ADK: variants seen among roughly 807,000 people sequenced by gnomAD.
ADK encodes adenosine kinase.
In ADK, 24 loss-of-function variants were observed where a neutral mutation model predicts 44.7. The observed-to-expected ratio is 0.54, with a 90% CI of 0.39 to 0.76. ADK has a LOEUF of 0.76. Ranked by LOEUF, ADK falls within the 30% of genes least tolerant of loss-of-function variation. ADK has a pLI of 0.00. For missense variants in ADK, 321 were observed against 425.1 expected, an observed-to-expected ratio of 0.76 and a Z score of 2.15; for synonymous variants, 128 against 142.6, an observed-to-expected ratio of 0.90 and a Z score of 0.73.
At chr10:74,587,542 A>T (rs1180245431) in intron 7 of ADK, among the ~76,000 whole-genome samples, 1 of 152,002 alleles carries the variant, frequency 6.6e-6, no homozygotes, top group Non-Finnish European at 1.5e-5. Flanking sequence ...TTTTTTCCCA[A>T]TGTTTTCCCA....
chr10:74,595,984 C>A, intron 8 of ADK, among the ~76,000 whole-genome samples: 1 of 116,980 alleles, frequency 8.5e-6, no homozygotes. Flanking sequence ...GCAACAAGAG[C>A]GAAATTCCAT....
chr10:74,470,754 G>T (rs1378343207), intron 6 of ADK, among the ~76,000 whole-genome samples: 13 of 151,678 alleles, frequency 8.6e-5, no homozygotes, highest in African/African-American at 3.1e-4. Context: ...TTACTCTGTT[G>T]TTTCCTTTGC....
At chr10:74,525,110 T>C in intron 6 of ADK, 146 bp from the exon 7 acceptor site, 1 of 747,804 alleles carries the variant, frequency 1.3e-6, no homozygotes, top group Non-Finnish European at 2.2e-6. Flanking sequence ...TCAAATATCC[T>C]TCCAGTCAAA....
intron 2 of ADK, among the ~76,000 whole-genome samples, chr10:74,213,194 C>T (rs1843885559): frequency 6.6e-6 from 1 of 152,128 alleles, no homozygotes; most frequent in South Asian, 2.1e-4. Context: ...TCCCTGTAGC[C>T]TCCCAGGCTT....
In ADK at chr10:74,600,663, T is replaced by C. The variant is rs1048527238; in HGVS notation, c.877+170T>C. Among the ~76,000 whole-genome samples the C allele has an allele frequency of 2.0e-5, 3 of 151,630 alleles. No individual in the cohort carries two copies. In the East Asian group the frequency reaches 5.8e-4, roughly 29 times the overall value. On this transcript the variant is annotated intron_variant, in intron 9 of 10. Transcript: ENST00000539909. Reference sequence around the variant, plus strand: ...CTACCCTGTATCTCAGTAGAAAAGATTTCATGTTCAAGAAGATAGTTTATT... The same window carrying C: ...CTACCCTGTATCTCAGTAGAAAAGACTTCATGTTCAAGAAGATAGTTTATT...
At position 74,328,413 on chromosome 10, in the gene ADK, G is replaced by A. The variant is rs531816196; in HGVS notation, c.273+13668G>A. Among the ~76,000 whole-genome samples, 10 of 152,098 alleles carry A rather than the reference G, an allele frequency of 6.6e-5. 1 individual carries two copies. The South Asian group carries it at 1.9e-3, about 28-fold the overall frequency. On this transcript the variant is annotated intron_variant, in intron 4 of 10. Coordinates refer to ENST00000539909, the MANE Select transcript of ADK (RefSeq NM_006721.4). Reference sequence around the variant, plus strand: ...CACCATAGAAAACTTGCATCCAGGGGACTTCTGCATATGTGGGCTTAGGGG... The same window carrying A: ...CACCATAGAAAACTTGCATCCAGGGAACTTCTGCATATGTGGGCTTAGGGG...
chr10:74,336,070 A>C (rs1841400093), intron 4 of ADK, among the ~76,000 whole-genome samples: 1 of 151,838 alleles, frequency 6.6e-6, no homozygotes, highest in Admixed American at 6.6e-5. Flanking sequence ...TCATATAAGA[A>C]CTCTTTGCCT....
chr10:74,329,139 A>G (rs575318627), intron 4 of ADK, among the ~76,000 whole-genome samples: 75 of 141,746 alleles, frequency 5.3e-4, no homozygotes, highest in Middle Eastern at 3.7e-3. Flanking sequence ...AAGAAATTCT[A>G]TAGGGTGTGG....
At chr10:74,625,993 T>C (rs890019694) in intron 9 of ADK, among the ~76,000 whole-genome samples, 2 of 152,244 alleles carry the variant, frequency 1.3e-5, no homozygotes, top group Admixed American at 1.3e-4. Context: ...TAGGAGATAG[T>C]GTAGTTGATA....
chr10:74,661,045 A>T (rs1366652910), intron 9 of ADK, among the ~76,000 whole-genome samples: 1 of 152,004 alleles, frequency 6.6e-6, no homozygotes, highest in Admixed American at 6.5e-5. Context: ...GAAAAAAAAA[A>T]GGAAAAAGGA....
chr10:74,538,716 T>C (rs1388193400), intron 7 of ADK, among the ~76,000 whole-genome samples: 2 of 152,218 alleles, frequency 1.3e-5, no homozygotes, highest in Non-Finnish European at 2.9e-5. Flanking sequence ...ATGGGATACA[T>C]TGGCTTTTTC....
chr10:74,362,234 T>C (rs1842357409), intron 4 of ADK, among the ~76,000 whole-genome samples: 1 of 152,194 alleles, frequency 6.6e-6, no homozygotes, highest in Non-Finnish European at 1.5e-5. Flanking sequence ...CCATAGATTT[T>C]GTAAGCTTGC....
rs545417153 is a variant in ADK, at chr10:74,384,369, C to A, written c.274-9772C>A. 1.3e-5 allele frequency among the ~76,000 whole-genome samples: 2 copies of A among 152,168 alleles called. 1 individual carries two copies. The highest frequency in any genetic ancestry group is 4.1e-4 in the South Asian group (2 of 4,820). ...GGAATGATACAGTTTGTTGCGGCAACATAAAATGCAGGCATATAGGCTGGG... is the reference window on the plus strand; with the variant it reads ...GGAATGATACAGTTTGTTGCGGCAAAATAAAATGCAGGCATATAGGCTGGG... On this transcript the variant is annotated intron_variant, in intron 4 of 10. Transcript: ENST00000539909.
At chr10:74,368,547 G>A (rs1047634307) in intron 4 of ADK, among the ~76,000 whole-genome samples, 7 of 151,700 alleles carry the variant, frequency 4.6e-5, no homozygotes, top group Non-Finnish European at 1.0e-4. Flanking sequence ...ACATAATCAT[G>A]ATAAATGTTA....
intron 6 of ADK, chr10:74,509,492 A>C (rs770837971): frequency 6.6e-6 from 1 of 152,400 alleles, no homozygotes; most frequent in South Asian, 2.1e-4. Flanking sequence ...TGCCCGGCCC[A>C]TAATGATGTT....
intron 6 of ADK, among the ~76,000 whole-genome samples, chr10:74,514,449 CT>C (rs965737931): frequency 3.2e-4 from 46 of 145,648 alleles, no homozygotes; most frequent in South Asian, 4.3e-4. Flanking sequence ...TTTTCATTCT[CT>C]TTTTTTTTTT....
intron 7 of ADK, among the ~76,000 whole-genome samples, chr10:74,571,035 A>G (rs1448287217): frequency 1.3e-5 from 2 of 152,184 alleles, no homozygotes; most frequent in African/African-American, 2.4e-5. Flanking sequence ...TTCTGCATCT[A>G]TTGAGATAAT....
intron 10 of ADK, among the ~76,000 whole-genome samples, chr10:74,683,335 A>T (rs564932606): frequency 1.1e-4 from 17 of 152,302 alleles, no homozygotes; most frequent in South Asian, 4.1e-4. Context: ...AGGTTGTGCA[A>T]CCTATTTGAA....
chr10:74,327,168 A>G (rs1841050377), intron 4 of ADK, among the ~76,000 whole-genome samples: 1 of 152,044 alleles, frequency 6.6e-6, no homozygotes, highest in African/African-American at 2.4e-5. Context: ...ATTACTATAA[A>G]CATCACTTTT....
Sources: gnomAD v4.1 joint callset for allele counts (sites outside exome capture counted in the v4.1 genomes callset) on GRCh38, gnomAD v4.1.1 for gene constraint, MANE v1.5 for transcripts, NCBI Gene and HGNC (gene_info 2026-07-23, HGNC 2026-07-21) for gene names.